The following PTPRD variants were observed in gnomAD, a reference collection of about 807,000 sequenced individuals.
PTPRD encodes receptor-type tyrosine-protein phosphatase delta.
In PTPRD, 34 loss-of-function variants were observed where a neutral mutation model predicts 214.5. The observed-to-expected ratio is 0.16, with a 90% CI of 0.12 to 0.21. PTPRD has a LOEUF of 0.21. PTPRD is among the 10% of genes least tolerant of loss of function. The pLI, the probability that PTPRD is intolerant of heterozygous loss-of-function variation, is 1.00. For synonymous variants in PTPRD, 1,128 were observed against 845.7 expected (o/e 1.33, Z -5.79); for missense variants, 2,545 against 2,398.7 (o/e 1.06, Z -1.27).
intron 5 of PTPRD, among the ~76,000 whole-genome samples, chr9:9,919,320 G>C (rs1357917807): frequency 2.0e-5 from 3 of 152,054 alleles, no homozygotes; most frequent in Non-Finnish European, 2.9e-5. Flanking sequence ...TGAATTGGTG[G>C]CTTGGCCCAA....
chr9:9,290,086 G>T (rs1162268805), intron 9 of PTPRD, among the ~76,000 whole-genome samples: 1 of 151,566 alleles, frequency 6.6e-6, no homozygotes, highest in Non-Finnish European at 1.5e-5. Flanking sequence ...TGGTATACAA[G>T]GGTTCCCTTT....
chr9:8,486,379 C>A (rs1192359206), intron 27 of PTPRD, 30 bp from the exon 28 acceptor site: 8 of 1,559,170 alleles, frequency 5.1e-6, no homozygotes, highest in Admixed American at 5.0e-5. Flanking sequence ...GTGGTAAGAC[C>A]AACCAATCTG....
chr9:8,334,309 G>A (rs1219664459), intron 43 of PTPRD, among the ~76,000 whole-genome samples: 1 of 151,434 alleles, frequency 6.6e-6, no homozygotes. Context: ...AAATGCAAAA[G>A]AAAGAATGGA....
At chr9:10,550,724 G>A (rs1383864270) in intron 2 of PTPRD, among the ~76,000 whole-genome samples, 1 of 152,182 alleles carries the variant, frequency 6.6e-6, no homozygotes, top group Non-Finnish European at 1.5e-5. Context: ...CCCATGATAT[G>A]TGCTTCAGGT....
intron 11 of PTPRD, among the ~76,000 whole-genome samples, chr9:8,865,000 T>A (rs2098170633): frequency 6.6e-6 from 1 of 152,212 alleles, no homozygotes; most frequent in African/African-American, 2.4e-5. Context: ...GTCTTCTCAA[T>A]GAATAAGAAA....
intron 5 of PTPRD, among the ~76,000 whole-genome samples, chr9:9,894,517 C>A (rs1397386243): frequency 6.6e-6 from 1 of 151,878 alleles, no homozygotes; most frequent in South Asian, 2.1e-4. Flanking sequence ...CACCTATTTT[C>A]TTTTCATATT....
intron 7 of PTPRD, among the ~76,000 whole-genome samples, chr9:9,601,600 A>G (rs1415830686): frequency 1.3e-5 from 2 of 152,092 alleles, no homozygotes; most frequent in Admixed American, 6.6e-5. Flanking sequence ...TTACATTCTC[A>G]GTTTTTTGCT....
rs77447972 is a variant in PTPRD, at chr9:8,694,441, T to C, written c.64+39339A>G. On this transcript the variant is annotated intron_variant, in intron 12 of 45. Coordinates refer to ENST00000381196, the MANE Select transcript of PTPRD (RefSeq NM_002839.4). ...AATAAAAGTCTGATGGAAAACATGA[T>C]TTGTAATCGGTCCCACTGAAATAGA... Among the ~76,000 whole-genome samples the C allele has an allele frequency of 1.1e-3, 162 of 152,288 alleles. 5 individuals carry two copies. In the East Asian group the frequency reaches 0.024, roughly 22 times the overall value.
chr9:9,949,438 A>C lies in PTPRD; in HGVS notation c.-471-10828T>G, dbSNP rs530505575. Among the ~76,000 whole-genome samples the C allele has an allele frequency of 6.6e-5, 10 of 152,238 alleles. 1 individual carries two copies. The East Asian group carries it at 1.9e-3, about 29-fold the overall frequency. On this transcript the variant is annotated intron_variant, in intron 4 of 45. Transcript: ENST00000381196. ...TAGTTGATTTTTACCAATAAGCAACAACTTACTGATTGGGATAATCACTCT... is the reference window on the plus strand; with the variant it reads ...TAGTTGATTTTTACCAATAAGCAACCACTTACTGATTGGGATAATCACTCT...
At chr9:10,335,047 C>T (rs1366547632) in intron 3 of PTPRD, among the ~76,000 whole-genome samples, 1 of 151,660 alleles carries the variant, frequency 6.6e-6, no homozygotes, top group Non-Finnish European at 1.5e-5. Flanking sequence ...CAATCCCAAT[C>T]AAAACCCCAG....
intron 10 of PTPRD, among the ~76,000 whole-genome samples, chr9:9,069,810 C>T (rs999892496): frequency 6.6e-6 from 1 of 152,110 alleles, no homozygotes; most frequent in Admixed American, 6.5e-5. Flanking sequence ...CCTAGCAGCA[C>T]TGGAAGAGGA....
chr9:9,505,859 G>A (rs186379549), intron 8 of PTPRD, among the ~76,000 whole-genome samples: 158 of 151,378 alleles, frequency 1.0e-3, no homozygotes, highest in African/African-American at 3.1e-3. Context: ...TTTCTAACAT[G>A]GGACATTACA....
At chr9:8,454,722 T>C (rs530287239) in intron 33 of PTPRD, 17 of 964,140 alleles carry the variant, frequency 1.8e-5, no homozygotes, top group South Asian at 1.3e-4. Context: ...ATAACTGACA[T>C]ACATTCAGAA....
intron 11 of PTPRD, among the ~76,000 whole-genome samples, chr9:8,864,332 C>T (rs1039645001): frequency 5.9e-5 from 9 of 152,176 alleles, no homozygotes; most frequent in Non-Finnish European, 1.0e-4. Context: ...TCTCAAGACT[C>T]GGACATGCTT....
chr9:9,611,552 A>T (rs948784854), intron 7 of PTPRD, among the ~76,000 whole-genome samples: 1 of 152,070 alleles, frequency 6.6e-6, no homozygotes, highest in African/African-American at 2.4e-5. Context: ...GGATGTATCT[A>T]ATCTGTATAT....
At chr9:8,465,017 A>G (rs1354338435) in intron 32 of PTPRD, among the ~76,000 whole-genome samples, 9 of 151,966 alleles carry the variant, frequency 5.9e-5, no homozygotes. Context: ...CAGTATTTTC[A>G]GAAATATGCC....
intron 3 of PTPRD, among the ~76,000 whole-genome samples, chr9:10,169,986 ATG>A (rs1251108028): frequency 6.6e-6 from 1 of 152,096 alleles, no homozygotes; most frequent in Admixed American, 6.5e-5. Context: ...AAGGAAAAAT[ATG>A]TTCTCAATAT....
At chr9:8,509,835 T>A (rs976695188) in intron 21 of PTPRD, among the ~76,000 whole-genome samples, 2 of 152,110 alleles carry the variant, frequency 1.3e-5, no homozygotes, top group African/African-American at 2.4e-5. Context: ...TCTCAGAGAG[T>A]ACACTGTCCT....
At chr9:10,441,607 T>C (rs1335960683) in intron 2 of PTPRD, among the ~76,000 whole-genome samples, 1 of 151,648 alleles carries the variant, frequency 6.6e-6, no homozygotes, top group Non-Finnish European at 1.5e-5. Flanking sequence ...TTGTGCTTAT[T>C]ACTTACTATA....
Sources: gnomAD v4.1 joint callset for allele counts (sites outside exome capture counted in the v4.1 genomes callset) on GRCh38, gnomAD v4.1.1 for gene constraint, MANE v1.5 for transcripts, NCBI Gene and HGNC (gene_info 2026-07-23, HGNC 2026-07-21) for gene names.